The following DPYS variants were observed in gnomAD, a reference collection of about 807,000 sequenced individuals.
The protein encoded by DPYS is dihydropyrimidine amidohydrolase.
In DPYS, 39 loss-of-function variants were observed where a neutral mutation model predicts 50.3. The observed-to-expected ratio is 0.78, with a 90% CI of 0.60 to 1.01. The LOEUF (loss-of-function observed/expected upper bound fraction) is 1.01. Among genes scored for constraint, DPYS ranks in the 50% least tolerant of loss-of-function variants. DPYS has a pLI of 0.00. For synonymous variants in DPYS, 245 were observed against 250.7 expected, an observed-to-expected ratio of 0.98 and a Z score of 0.22; for missense variants, 659 against 680.9, an observed-to-expected ratio of 0.97 and a Z score of 0.36.
rs193265626 is a variant in DPYS at position 104,445,408 on chromosome 8, C to A, written c.604-971G>T. On this transcript the variant is annotated intron_variant, in intron 3 of 9. Transcript: ENST00000351513. ...ATGAATAGATAAAGAAAATGTGTTACATATACACAAGGGAGTACTATTCTG... is the reference window on the plus strand; with the variant it reads ...ATGAATAGATAAAGAAAATGTGTTAAATATACACAAGGGAGTACTATTCTG... 1.0e-3 allele frequency among the ~76,000 whole-genome samples: 156 copies of A among 152,224 alleles called. 1 individual carries two copies. Among genetic ancestry groups the A allele is most frequent in the African/African-American group, 3.5e-3 (146 of 41,550 alleles).
intron 7 of DPYS, among the ~76,000 whole-genome samples, chr8:104,404,948 C>T (rs1811944269): frequency 6.6e-6 from 1 of 150,532 alleles, no homozygotes; most frequent in Non-Finnish European, 1.5e-5. Flanking sequence ...AACAAACAAA[C>T]AAACAAAAAG....
chr8:104,406,824 A>AAC (rs143294578), intron 7 of DPYS, among the ~76,000 whole-genome samples: 8 of 151,954 alleles, frequency 5.3e-5, no homozygotes, highest in Non-Finnish European at 8.8e-5. Context: ...CATATGTATA[A>AAC]ACACACACAC....
At chr8:104,459,736 G>A (rs1186011280) in intron 1 of DPYS, among the ~76,000 whole-genome samples, 1 of 152,110 alleles carries the variant, frequency 6.6e-6, no homozygotes, top group Non-Finnish European at 1.5e-5. Flanking sequence ...CCCTCTCTAG[G>A]AGTTTCACAA....
intron 8 of DPYS, among the ~76,000 whole-genome samples, chr8:104,389,448 A>G (rs372555329): frequency 6.6e-6 from 1 of 152,080 alleles, no homozygotes. Flanking sequence ...ATTTCATTTT[A>G]TCCATTTTAT....
chr8:104,403,397 C>A (rs1212326129), intron 7 of DPYS, among the ~76,000 whole-genome samples: 1 of 152,080 alleles, frequency 6.6e-6, no homozygotes, highest in Non-Finnish European at 1.5e-5. Context: ...CCAAGAACCC[C>A]AGGTCAGAGA....
intron 7 of DPYS, among the ~76,000 whole-genome samples, chr8:104,415,219 T>A (rs1267864503): frequency 6.6e-6 from 1 of 152,222 alleles, no homozygotes; most frequent in Non-Finnish European, 1.5e-5. Context: ...ATAGAATCTA[T>A]GTCAGGTAGG....
intron 1 of DPYS, among the ~76,000 whole-genome samples, chr8:104,457,307 A>G (rs1813959853): frequency 1.3e-5 from 2 of 152,200 alleles, no homozygotes; most frequent in Non-Finnish European, 2.9e-5. Flanking sequence ...TGCTGGACAT[A>G]GGGAGGACTC....
intron 1 of DPYS, among the ~76,000 whole-genome samples, chr8:104,466,117 G>C (rs1270525700): frequency 6.6e-6 from 1 of 152,150 alleles, no homozygotes; most frequent in Non-Finnish European, 1.5e-5. Flanking sequence ...TGGGCATCTA[G>C]CCTACTCAGA....
At chr8:104,454,782 A>T (rs1813867399) in intron 1 of DPYS, among the ~76,000 whole-genome samples, 1 of 152,202 alleles carries the variant, frequency 6.6e-6, no homozygotes. Context: ...GATGACTGGG[A>T]ATTCAGAGGA....
chr8:104,407,919 T>C (rs1033323398), intron 7 of DPYS, among the ~76,000 whole-genome samples: 1 of 151,952 alleles, frequency 6.6e-6, no homozygotes, highest in Non-Finnish European at 1.5e-5. Context: ...CCACGAACTA[T>C]ACACAACCCT....
intron 2 of DPYS, among the ~76,000 whole-genome samples, chr8:104,449,272 G>T (rs774534539): frequency 2.6e-5 from 4 of 152,152 alleles, no homozygotes; most frequent in Admixed American, 2.0e-4. Flanking sequence ...CACATAATGG[G>T]CTTCCAAAGG....
intron 7 of DPYS, among the ~76,000 whole-genome samples, chr8:104,401,692 A>G (rs972000695): frequency 1.3e-5 from 2 of 152,216 alleles, no homozygotes; most frequent in East Asian, 1.9e-4. Context: ...TGATGTAATC[A>G]CCATAGAAGA....
At chr8:104,455,281 C>T (rs6468928) in intron 1 of DPYS, among the ~76,000 whole-genome samples, 5,911 of 152,192 alleles carry the variant, frequency 0.039, 380 homozygotes, top group African/African-American at 0.13. Context: ...CATGAAGAGA[C>T]GCTCTGAGGA....
At chr8:104,381,573 T>G (rs1811042154) in intron 8 of DPYS, among the ~76,000 whole-genome samples, 1 of 152,106 alleles carries the variant, frequency 6.6e-6, no homozygotes, top group Non-Finnish European at 1.5e-5. Context: ...CCTCACGCCC[T>G]TCTGAGTCCC....
chr8:104,435,900 A>G (rs995949671), intron 4 of DPYS, among the ~76,000 whole-genome samples: 6 of 152,142 alleles, frequency 3.9e-5, no homozygotes, highest in African/African-American at 1.4e-4. Flanking sequence ...TGGGATGGCA[A>G]TAATTCATAA....
chr8:104,409,521 A>C (rs1588418701), intron 7 of DPYS, among the ~76,000 whole-genome samples: 1 of 152,256 alleles, frequency 6.6e-6, no homozygotes, highest in East Asian at 1.9e-4. Flanking sequence ...AAAAATACAA[A>C]CTAAATATGC....
chr8:104,399,060 G>A (rs1245721825), intron 7 of DPYS, among the ~76,000 whole-genome samples: 1 of 152,072 alleles, frequency 6.6e-6, no homozygotes, highest in Non-Finnish European at 1.5e-5. Context: ...GGAAGCTGAG[G>A]CGGGCAGATC....
chr8:104,400,889 C>A (rs1176550900), intron 7 of DPYS, among the ~76,000 whole-genome samples: 1 of 152,340 alleles, frequency 6.6e-6, no homozygotes, highest in South Asian at 2.1e-4. Flanking sequence ...AACATTCTGT[C>A]CCTTTGCAAA....
At chr8:104,452,779 T>C (rs1171486380) in intron 1 of DPYS, among the ~76,000 whole-genome samples, 1 of 152,178 alleles carries the variant, frequency 6.6e-6, no homozygotes, top group East Asian at 1.9e-4. Context: ...AGTTTGAGGC[T>C]GCAGTGAGCT....
Sources: allele counts gnomAD v4.1 joint callset (sites outside exome capture counted in the v4.1 genomes callset), GRCh38; gene constraint gnomAD v4.1.1; transcripts MANE v1.5; gene names NCBI Gene and HGNC (gene_info 2026-07-23, HGNC 2026-07-21).